ARHGEF38: variants seen among roughly 807,000 people sequenced by gnomAD.
ARHGEF38 encodes Rho guanine nucleotide exchange factor (GEF) 38.
Under a neutral mutation model 79.9 loss-of-function variants are expected in ARHGEF38, and 79 were observed. The ratio of observed to expected loss-of-function variants is 0.99; its 90% CI spans 0.82 to 1.19. The LOEUF is 1.19. Among genes scored for constraint, ARHGEF38 ranks in the 50% most tolerant of loss-of-function variants. ARHGEF38 has a pLI of 0.00. For missense variants in ARHGEF38, 962 were observed against 907.2 expected (o/e 1.06, Z -0.78); for synonymous variants, 366 against 328.3 (o/e 1.11, Z -1.24).
chr4:105,611,720 C>G (rs947283651), intron 2 of ARHGEF38, among the ~76,000 whole-genome samples: 4 of 151,930 alleles, frequency 2.6e-5, no homozygotes, highest in African/African-American at 9.7e-5. Flanking sequence ...AGTGAATGAT[C>G]AGTTAAGGAA....
intron 2 of ARHGEF38, among the ~76,000 whole-genome samples, chr4:105,593,551 TAAAC>T (rs530161701): frequency 4.6e-4 from 70 of 152,128 alleles, no homozygotes; most frequent in African/African-American, 1.4e-3. Flanking sequence ...AAGAAACAAA[TAAAC>T]AGACAGACAA....
chr4:105,611,368 CT>C (rs1728287426), intron 2 of ARHGEF38, among the ~76,000 whole-genome samples: 2 of 151,946 alleles, frequency 1.3e-5, no homozygotes. Flanking sequence ...TCATACACAA[CT>C]TTTGGAAAAC....
intron 3 of ARHGEF38, among the ~76,000 whole-genome samples, chr4:105,618,615 C>T (rs573212757): frequency 6.6e-6 from 1 of 151,778 alleles, no homozygotes; most frequent in Admixed American, 6.6e-5. Flanking sequence ...AGCGAGACTC[C>T]ATCTCAAAAA....
chr4:105,636,470 A>T, intron 5 of ARHGEF38, 50 bp downstream of exon 5: 1 of 337,018 alleles, frequency 3.0e-6, no homozygotes, highest in Non-Finnish European at 4.8e-6. Flanking sequence ...TCACGAGAAA[A>T]TGCAGCTGAC....
At position 105,680,094 on chromosome 4, in the gene ARHGEF38, C is replaced by A; in HGVS notation, c.*2157C>A. Reference sequence around the variant, plus strand: ...GATCCACTGTAGACTTGAAGGACATCTCATTTTCATCTGTGTTTTATAAAG... The same window carrying A: ...GATCCACTGTAGACTTGAAGGACATATCATTTTCATCTGTGTTTTATAAAG... On this transcript the variant is annotated 3_prime_UTR_variant, in exon 14 of 14. Coordinates refer to ENST00000420470, the MANE Select transcript of ARHGEF38 (RefSeq NM_001242729.2). 1 of 754,016 alleles carries A rather than the reference C, an allele frequency of 1.3e-6. No individual in the cohort carries two copies. Among genetic ancestry groups the A allele is most frequent in the South Asian group, 1.3e-5 (1 of 74,078 alleles). 46.7% of individuals were successfully genotyped at this position (754,016 alleles called of 1,614,324 possible). A position where few individuals can be genotyped will look rare whatever the true frequency, so the allele number is the denominator to read the frequency against.
rs181862342 is a variant in ARHGEF38, at chr4:105,598,249, T to C, written c.384+8814T>C. 1.1e-3 allele frequency among the ~76,000 whole-genome samples: 166 copies of C among 152,298 alleles called. 1 individual carries two copies. The highest frequency in any genetic ancestry group is 4.6e-3 in the South Asian group (22 of 4,824). On this transcript the variant is annotated intron_variant, in intron 2 of 13. Transcript: ENST00000420470. ...TCCTATTCGATCCAGCCCCACCCAC[T>C]GTAGAGTAAGGCAGTTCCTGAGGTC...
At chr4:105,561,344 G>A (rs1725514481) in intron 1 of ARHGEF38, among the ~76,000 whole-genome samples, 1 of 151,720 alleles carries the variant, frequency 6.6e-6, no homozygotes, top group Non-Finnish European at 1.5e-5. Flanking sequence ...AGAAGTTACA[G>A]TAAGCTGAGA....
At position 105,667,024 on chromosome 4, in the gene ARHGEF38, A is replaced by G. The variant is rs1730775435; in HGVS notation, c.1690-105A>G. On this transcript the variant is annotated intron_variant, in intron 11 of 13. Transcript: ENST00000420470. ...CCTTGAAATAATCCTCTAAAAATAT[A>G]TGACTCCTACGTTTTAAAAATCTCC... The G allele has an allele frequency of 7.4e-6, 7 of 948,750 alleles. No homozygotes were observed. The Admixed American group carries it at 2.0e-4, about 27-fold the overall frequency. 58.8% of individuals were successfully genotyped at this position (948,750 alleles called of 1,614,324 possible). A position where few individuals can be genotyped will look rare whatever the true frequency, so the allele number is the denominator to read the frequency against.
At chr4:105,650,894 G>A (rs1730076210) in intron 7 of ARHGEF38, among the ~76,000 whole-genome samples, 1 of 152,160 alleles carries the variant, frequency 6.6e-6, no homozygotes, top group African/African-American at 2.4e-5. Context: ...TCACATATCT[G>A]AGAAAGGACA....
At chr4:105,580,970 G>A (rs1341890665) in intron 1 of ARHGEF38, among the ~76,000 whole-genome samples, 3 of 152,008 alleles carry the variant, frequency 2.0e-5, no homozygotes, top group Non-Finnish European at 2.9e-5. Flanking sequence ...CCACCAAGCC[G>A]GGACTATTCT....
chr4:105,592,156 G>A (rs536524102), intron 2 of ARHGEF38, among the ~76,000 whole-genome samples: 18 of 151,748 alleles, frequency 1.2e-4, no homozygotes, highest in South Asian at 4.2e-4. Context: ...TCACTCTCTC[G>A]CTCTCCTCCT....
At chr4:105,615,471 A>T (rs562799463) in intron 3 of ARHGEF38, among the ~76,000 whole-genome samples, 1 of 152,356 alleles carries the variant, frequency 6.6e-6, no homozygotes, top group South Asian at 2.1e-4. Flanking sequence ...AGAGAAATGT[A>T]GAAGAAAGCA....
At chr4:105,627,962 G>A (rs1291587318) in intron 3 of ARHGEF38, among the ~76,000 whole-genome samples, 6 of 151,622 alleles carry the variant, frequency 4.0e-5, no homozygotes, top group African/African-American at 1.5e-4. Context: ...TTCAATTAGA[G>A]TACTTAAATA....
At chr4:105,607,517 A>AT (rs935114110) in intron 2 of ARHGEF38, among the ~76,000 whole-genome samples, 1 of 151,308 alleles carries the variant, frequency 6.6e-6, no homozygotes, top group Admixed American at 6.6e-5. Context: ...TCATAAAGGC[A>AT]ATTCTTAGAG....
At chr4:105,569,082 A>G (rs912636129) in intron 1 of ARHGEF38, among the ~76,000 whole-genome samples, 2 of 152,188 alleles carry the variant, frequency 1.3e-5, no homozygotes, top group Non-Finnish European at 2.9e-5. Flanking sequence ...TAAATAAACA[A>G]TGACTTAGAA....
At chr4:105,589,963 C>T (rs1426344407) in intron 2 of ARHGEF38, among the ~76,000 whole-genome samples, 10 of 150,906 alleles carry the variant, frequency 6.6e-5, no homozygotes, top group Admixed American at 4.0e-4. Context: ...TGCTTGAACC[C>T]GGGAGACAGA....
chr4:105,654,874 G>T (rs186845771), intron 8 of ARHGEF38, among the ~76,000 whole-genome samples: 133 of 152,220 alleles, frequency 8.7e-4, no homozygotes, highest in African/African-American at 3.0e-3. Flanking sequence ...TTACTAAATT[G>T]TCCCCTTCTA....
At chr4:105,604,575 A>C (rs1009782657) in intron 2 of ARHGEF38, among the ~76,000 whole-genome samples, 1 of 152,064 alleles carries the variant, frequency 6.6e-6, no homozygotes, top group African/African-American at 2.4e-5. Flanking sequence ...GAACTTTGTA[A>C]TTGTGTCATT....
intron 2 of ARHGEF38, among the ~76,000 whole-genome samples, chr4:105,591,205 A>T (rs1044741080): frequency 2.0e-5 from 3 of 152,034 alleles, no homozygotes; most frequent in South Asian, 2.1e-4. Context: ...TATATTTCTT[A>T]ACACAGTACT....
Sources: allele counts gnomAD v4.1 joint callset (sites outside exome capture counted in the v4.1 genomes callset), GRCh38; gene constraint gnomAD v4.1.1; transcripts MANE v1.5; gene names NCBI Gene and HGNC (gene_info 2026-07-23, HGNC 2026-07-21).